RBM47: variants seen among roughly 807,000 people sequenced by gnomAD.
RBM47 encodes the protein RNA-binding protein 47.
RBM47 carries 21 observed loss-of-function variants against 47.1 expected under a neutral mutation model. The observed-to-expected ratio is 0.45, with a 90% CI of 0.32 to 0.64. The LOEUF (loss-of-function observed/expected upper bound fraction) is 0.64. Ranked by LOEUF, RBM47 falls within the 30% of genes least tolerant of loss-of-function variation. RBM47 has a pLI of 0.05. For synonymous variants in RBM47, 375 were observed against 361.7 expected (o/e 1.04, Z -0.42); for missense variants, 708 against 870.9 (o/e 0.81, Z 2.35).
At chr4:40,601,493 G>A (rs1317713946) in intron 1 of RBM47, among the ~76,000 whole-genome samples, 2 of 152,140 alleles carry the variant, frequency 1.3e-5, no homozygotes, top group Non-Finnish European at 2.9e-5. Flanking sequence ...TGAACGCAAC[G>A]GAAAAGATTT....
At chr4:40,469,825 G>T (rs1429310443) in intron 2 of RBM47, among the ~76,000 whole-genome samples, 1 of 152,050 alleles carries the variant, frequency 6.6e-6, no homozygotes, top group East Asian at 1.9e-4. Flanking sequence ...AGTAGAGATG[G>T]GGTTTTGCCA....
chr4:40,482,979 A>G lies in RBM47; in HGVS notation c.-154-16280T>C, dbSNP rs1288953173. On this transcript the variant is annotated intron_variant, in intron 2 of 6. Transcript: ENST00000295971. Reference sequence around the variant, plus strand: ...GAAATTTGAAAGCAATATGGAAATAATTGAAATCATTCGAAAAAAATCAAA... The same window carrying G: ...GAAATTTGAAAGCAATATGGAAATAGTTGAAATCATTCGAAAAAAATCAAA... 2.0e-5 allele frequency among the ~76,000 whole-genome samples: 3 copies of G among 152,250 alleles called. No individual in the cohort carries two copies. In the East Asian group the frequency reaches 5.8e-4, roughly 29 times the overall value.
At chr4:40,615,125 CA>C (rs529502225) in intron 1 of RBM47, among the ~76,000 whole-genome samples, 2 of 151,010 alleles carry the variant, frequency 1.3e-5, no homozygotes, top group Admixed American at 1.3e-4. Context: ...AACCCTGTCT[CA>C]AAAAAATAAT....
intron 2 of RBM47, among the ~76,000 whole-genome samples, chr4:40,502,712 G>A (rs926799398): frequency 2.4e-4 from 36 of 151,960 alleles, no homozygotes; most frequent in Admixed American, 7.2e-4. Context: ...CAGGTGTGGT[G>A]ACATGCACCT....
chr4:40,438,980 G>GTT, intron 3 of RBM47, 56 bp from the exon 4 acceptor site: 1 of 1,399,678 alleles, frequency 7.1e-7, no homozygotes, highest in Non-Finnish European at 9.4e-7. Context: ...CCTCTTTTGG[G>GTT]TTGTGTTTCG....
intron 1 of RBM47, among the ~76,000 whole-genome samples, chr4:40,566,638 C>G (rs1217260590): frequency 6.6e-6 from 1 of 152,000 alleles, no homozygotes; most frequent in Non-Finnish European, 1.5e-5. Flanking sequence ...GAGCGAGACT[C>G]CATCTCAAAA....
chr4:40,588,441 A>G (rs761392724), intron 1 of RBM47, among the ~76,000 whole-genome samples: 40 of 152,202 alleles, frequency 2.6e-4, no homozygotes, highest in Non-Finnish European at 4.6e-4. Flanking sequence ...CCTTTCCTCA[A>G]AGGAGGACCA....
intron 3 of RBM47, among the ~76,000 whole-genome samples, chr4:40,461,801 G>A (rs1477804958): frequency 6.6e-6 from 1 of 152,132 alleles, no homozygotes; most frequent in East Asian, 1.9e-4. Flanking sequence ...CGGGCATGGT[G>A]GCAGGCGCCT....
intron 2 of RBM47, among the ~76,000 whole-genome samples, chr4:40,528,183 C>T (rs1048851374): frequency 2.0e-5 from 3 of 152,082 alleles, no homozygotes; most frequent in Non-Finnish European, 2.9e-5. Flanking sequence ...GAGGCCAAGG[C>T]GGGCAGATCA....
intron 1 of RBM47, among the ~76,000 whole-genome samples, chr4:40,546,311 G>T (rs1003412055): frequency 1.3e-5 from 2 of 151,776 alleles, no homozygotes; most frequent in African/African-American, 4.8e-5. Flanking sequence ...CCACCACTCC[G>T]GGCTAATTTT....
chr4:40,554,147 G>A (rs187668895), intron 1 of RBM47, among the ~76,000 whole-genome samples: 31 of 152,226 alleles, frequency 2.0e-4, no homozygotes, highest in African/African-American at 6.5e-4. Flanking sequence ...CCCAGGGAAC[G>A]AATGCTCTCT....
intron 2 of RBM47, among the ~76,000 whole-genome samples, chr4:40,475,214 C>A (rs1254463264): frequency 6.6e-6 from 1 of 152,128 alleles, no homozygotes; most frequent in Non-Finnish European, 1.5e-5. Context: ...TCATTGTCAA[C>A]CTTTATATGC....
chr4:40,533,460 G>C (rs1052362294), intron 2 of RBM47, among the ~76,000 whole-genome samples: 2 of 150,594 alleles, frequency 1.3e-5, no homozygotes, highest in Non-Finnish European at 3.0e-5. Flanking sequence ...AAAAGAAGAA[G>C]GGAAAAAAAA....
chr4:40,516,261 CT>C (rs541606790), intron 2 of RBM47, among the ~76,000 whole-genome samples: 114 of 133,124 alleles, frequency 8.6e-4, no homozygotes, highest in African/African-American at 1.1e-3. Context: ...TCTTTTCTTT[CT>C]TTTTTTTTTT....
intron 3 of RBM47, among the ~76,000 whole-genome samples, chr4:40,444,761 T>C (rs975187951): frequency 6.6e-6 from 1 of 151,820 alleles, no homozygotes; most frequent in Non-Finnish European, 1.5e-5. Context: ...ACCTCCAGGA[T>C]TCAAGCGATT....
Position 40,431,671 on chromosome 4 carries a change from A to AAAG in RBM47, c.1542+979_1542+980insCTT, listed in dbSNP as rs1553876270. Among the ~76,000 whole-genome samples, 26 of 143,522 alleles carry AAAG rather than the reference A, an allele frequency of 1.8e-4. 1 individual carries two copies. Among genetic ancestry groups the AAAG allele is most frequent in the African/African-American group, 6.2e-4 (24 of 38,782 alleles). The allele number at this position is 143,522 out of a possible 152,430, so 94.2% of individuals were successfully genotyped here. On this transcript the variant is annotated intron_variant, in intron 6 of 6. Transcript: ENST00000295971. ...AGACTCCGTCTAAAAAAAAAAAAAA[A>AAAG]AGAGAGAGAAAATTTATCTAGGAGG...
chr4:40,560,616 T>C (rs1300875756), intron 1 of RBM47, among the ~76,000 whole-genome samples: 2 of 152,218 alleles, frequency 1.3e-5, no homozygotes, highest in African/African-American at 4.8e-5. Flanking sequence ...AGTTTTCATC[T>C]ATTTTGTATG....
At chr4:40,605,207 T>C (rs188015780) in intron 1 of RBM47, among the ~76,000 whole-genome samples, 1,541 of 151,966 alleles carry the variant, frequency 0.01, 15 homozygotes, top group Non-Finnish European at 0.018. Flanking sequence ...GTATTTTTAG[T>C]AGAGACGGGG....
At chr4:40,624,469 G>C (rs1005835337) in intron 1 of RBM47, among the ~76,000 whole-genome samples, 1 of 152,246 alleles carries the variant, frequency 6.6e-6, no homozygotes, top group African/African-American at 2.4e-5. Flanking sequence ...CTCCATGCCA[G>C]CATGCTGCAG....
Sources: gnomAD v4.1 joint callset for allele counts (sites outside exome capture counted in the v4.1 genomes callset) on GRCh38, gnomAD v4.1.1 for gene constraint, MANE v1.5 for transcripts, NCBI Gene and HGNC (gene_info 2026-07-23, HGNC 2026-07-21) for gene names.